The following CEBPZOS variants were observed in gnomAD, a reference collection of about 807,000 sequenced individuals.
CEBPZOS encodes the protein protein CEBPZOS.
In CEBPZOS, 10 loss-of-function variants were observed where a neutral mutation model predicts 4.8. That is an observed-to-expected ratio of 2.07 (90% CI 1.28 to 3.52). The LOEUF (loss-of-function observed/expected upper bound fraction) is 3.52, where lower values mean the gene tolerates loss of function less well. CEBPZOS is among the 30% of genes most tolerant of loss of function. The pLI is 0.00. For synonymous variants in CEBPZOS, 25 were observed against 14.2 expected (o/e 1.77, Z -1.72); for missense variants, 98 against 43.6 (o/e 2.25, Z -3.51).
downstream of CEBPZOS, chr2:37,214,016 T>C (rs570537285): frequency 2.0e-6 from 2 of 980,504 alleles, no homozygotes; most frequent in South Asian, 1.9e-5. Flanking sequence ...AATCTTACTA[T>C]ATATCATCAA....
chr2:37,216,138 A>G (rs372723969), downstream of CEBPZOS: 42 of 1,605,698 alleles, frequency 2.6e-5, no homozygotes, highest in Non-Finnish European at 3.2e-5. Context: ...GTTTATACTT[A>G]CCAGGAAGAT....
chr2:37,202,821 G>T lies in CEBPZOS; in HGVS notation c.*961G>T. On this transcript the variant is annotated 3_prime_UTR_variant, in exon 5 of 5. Transcript: ENST00000402297. The stretch of plus-strand genomic sequence containing the variant: ...TGTTAGCCATGGCATTCATGCCAAT[G>T]TTATCAAACTTGGATCCCATATTTT... 1 of 1,599,226 alleles carries T rather than the reference G, an allele frequency of 6.3e-7. No individual in the cohort carries two copies. Among genetic ancestry groups the T allele is most frequent in the Non-Finnish European group, 8.5e-7 (1 of 1,173,354 alleles).
chr2:37,216,133 T>C, downstream of CEBPZOS: 1 of 1,601,358 alleles, frequency 6.2e-7, no homozygotes, highest in Non-Finnish European at 8.5e-7. Context: ...CTAAGGTTTA[T>C]ACTTACCAGG....
At chr2:37,209,478 GA>G (rs1677648708), downstream of CEBPZOS, 1 of 152,156 alleles carries the variant, frequency 6.6e-6, no homozygotes, top group South Asian at 2.1e-4. Flanking sequence ...AGAGAACCCA[GA>G]AATAAAGCCA....
At chr2:37,207,975 C>T (rs534482832), downstream of CEBPZOS, among the ~76,000 whole-genome samples, 12 of 152,066 alleles carry the variant, frequency 7.9e-5, no homozygotes, top group South Asian at 1.0e-3. Context: ...ATACTACAAC[C>T]GATACCACAG....
Position 37,199,744 on chromosome 2 carries a change from A to G in CEBPZOS, c.40A>G (p.Lys14Glu), listed in dbSNP as rs887025583. 1.1e-5 allele frequency: 8 copies of G among 717,422 alleles called. No homozygotes were observed. Among genetic ancestry groups the G allele is most frequent in the African/African-American group, 1.0e-4 (6 of 57,284 alleles). 44.4% of individuals were successfully genotyped at this position (717,422 alleles called of 1,614,324 possible). The part of the protein sequence containing the change: ...TLEPLAKKIF[K>E]GVLVAELVGV... ...GGAACCACTAGCAAAGAAGATCTTTAAAGGAGTTTTGGTAGCCGAACTTGT... is the reference window on the plus strand; with the variant it reads ...GGAACCACTAGCAAAGAAGATCTTTGAAGGAGTTTTGGTAGCCGAACTTGT... The change falls in exon 2 of 5, where the codon AAA becomes GAA. Residue 14 changes from lysine to glutamate, a missense_variant. Lys to Glu is a moderately conservative substitution (Grantham distance 56, BLOSUM62 1). Coordinates refer to ENST00000402297, the MANE Select transcript of CEBPZOS (RefSeq NM_001322374.2).
chr2:37,201,484 G>A (rs1247027560), intron 3 of CEBPZOS, 158 bp from the exon 4 acceptor site: 32 of 580,170 alleles, frequency 5.5e-5, no homozygotes, highest in Non-Finnish European at 9.3e-5. Flanking sequence ...ACAATGATCA[G>A]AGATGCCAGG....
intron 4 of CEBPZOS, chr2:37,212,441 G>A: frequency 2.1e-6 from 3 of 1,442,042 alleles, no homozygotes; most frequent in Middle Eastern, 1.7e-4. Flanking sequence ...TGACAAGCTT[G>A]ACATATATCT....
At chr2:37,207,352 T>C (rs563118058), downstream of CEBPZOS, among the ~76,000 whole-genome samples, 2 of 152,316 alleles carry the variant, frequency 1.3e-5, no homozygotes, top group East Asian at 3.9e-4. Context: ...AGAATATACA[T>C]TATTTTCACC....
intron 1 of CEBPZOS, among the ~76,000 whole-genome samples, chr2:37,196,909 G>T (rs1676969900): frequency 6.6e-6 from 1 of 152,228 alleles, no homozygotes; most frequent in Non-Finnish European, 1.5e-5. Flanking sequence ...GTCGTCCTCT[G>T]CACAGCTAGG....
rs951716981 is a variant in CEBPZOS, at chr2:37,199,829, A to G, written c.115+10A>G. The G allele has an allele frequency of 9.8e-6, 7 of 717,042 alleles. No homozygotes were observed. In the East Asian group the frequency reaches 1.6e-4, roughly 16 times the overall value. 44.4% of individuals were successfully genotyped at this position (717,042 alleles called of 1,614,324 possible). Reference sequence around the variant, plus strand: ...ATGCACACAAGCCAAGGTAATCATAATTCAGAAGTTAATGCTTTCTAAAGG... The same window carrying G: ...ATGCACACAAGCCAAGGTAATCATAGTTCAGAAGTTAATGCTTTCTAAAGG... On this transcript the variant is annotated intron_variant, in intron 2 of 4. Transcript: ENST00000402297.
At chr2:37,211,106 A>G in intron 4 of CEBPZOS, 4 of 1,531,534 alleles carry the variant, frequency 2.6e-6, no homozygotes, top group Non-Finnish European at 3.6e-6. Context: ...AAATTTGCTA[A>G]TAAGCAATTT....
chr2:37,213,895 G>A (rs773740419), downstream of CEBPZOS: 25 of 1,605,954 alleles, frequency 1.6e-5, 1 homozygote, highest in Middle Eastern at 9.9e-4. Flanking sequence ...CATCATCCAC[G>A]TCTTCTATAC....
intron 4 of CEBPZOS, 39 bp from the exon 5 acceptor site, chr2:37,201,820 GTTTC>G: frequency 1.3e-6 from 2 of 1,595,188 alleles, no homozygotes; most frequent in Non-Finnish European, 1.7e-6. Flanking sequence ...TTTTTAAAAT[GTTTC>G]TTTTTCTTGA....
At chr2:37,214,891 G>A (rs767898137), downstream of CEBPZOS, 4 of 1,605,132 alleles carry the variant, frequency 2.5e-6, no homozygotes, top group East Asian at 4.5e-5. Context: ...AGTACCTGTG[G>A]AAAAACACTT....
At position 37,204,466 on chromosome 2, in the gene CEBPZOS, T is replaced by C. The variant is rs963779731; in HGVS notation, c.*2606T>C. ...CTAATTTTTGTATTTTTAGTAGAGA[T>C]GGGGTTTCATCATGTTGGCCAGGAT... On this transcript the variant is annotated 3_prime_UTR_variant, in exon 5 of 5. Transcript: ENST00000402297. The C allele has an allele frequency of 1.4e-5, 2 of 146,286 alleles. No individual in the cohort carries two copies. Among genetic ancestry groups the C allele is most frequent in the Non-Finnish European group, 3.0e-5 (2 of 65,818 alleles). 9.1% of individuals were successfully genotyped at this position (146,286 alleles called of 1,614,324 possible).
At chr2:37,199,479 G>A (rs1677106198) in intron 1 of CEBPZOS, among the ~76,000 whole-genome samples, 1 of 152,044 alleles carries the variant, frequency 6.6e-6, no homozygotes, top group South Asian at 2.1e-4. Flanking sequence ...TCTCTTTCCT[G>A]TGCTTTATCC....
In CEBPZOS at chr2:37,204,143, T is replaced by C. The variant is rs1334993000; in HGVS notation, c.*2283T>C. 1 of 152,176 alleles carries C rather than the reference T, an allele frequency of 6.6e-6. No homozygotes were observed. Among genetic ancestry groups the C allele is most frequent in the Non-Finnish European group, 1.5e-5 (1 of 68,032 alleles). The allele number at this position is 152,176 out of a possible 1,614,324, so 9.4% of individuals were successfully genotyped here. On this transcript the variant is annotated 3_prime_UTR_variant, in exon 5 of 5. Transcript: ENST00000402297. ...GGAAGTTTTTTTTGGGTTTTATTCA[T>C]CCTGTAGTGATGTATCTGTGACCTC...
chr2:37,213,278 T>A (rs1468028560), intron 4 of CEBPZOS, among the ~76,000 whole-genome samples: 1 of 152,224 alleles, frequency 6.6e-6, no homozygotes, highest in East Asian at 1.9e-4. Flanking sequence ...CTTTTTCACA[T>A]GAGATTTGGC....
Sources: gnomAD v4.1 joint callset for allele counts (sites outside exome capture counted in the v4.1 genomes callset) on GRCh38, gnomAD v4.1.1 for gene constraint, MANE v1.5 for transcripts, NCBI Gene and HGNC (gene_info 2026-07-23, HGNC 2026-07-21) for gene names.